The following ACSF3 variants were observed in gnomAD, a reference collection of about 807,000 sequenced individuals.
ACSF3 encodes the protein malonate--CoA ligase ACSF3, mitochondrial.
In ACSF3, 78 loss-of-function variants were observed where a neutral mutation model predicts 53.2. The observed-to-expected ratio is 1.47, with a 90% CI of 1.22 to 1.77. The LOEUF (loss-of-function observed/expected upper bound fraction) is 1.77. ACSF3 is among the 40% of genes most tolerant of loss of function. ACSF3 has a pLI of 0.00. For missense variants in ACSF3, 937 were observed against 771.1 expected, an observed-to-expected ratio of 1.22 and a Z score of -2.55; for synonymous variants, 414 against 333.1, an observed-to-expected ratio of 1.24 and a Z score of -2.65.
chr16:89,103,820 G>T (rs1169216502), intron 4 of ACSF3, among the ~76,000 whole-genome samples: 1 of 152,218 alleles, frequency 6.6e-6, no homozygotes, highest in Non-Finnish European at 1.5e-5. Context: ...GAGCAGGCAG[G>T]GAGGGAAGGA....
intron 2 of ACSF3, among the ~76,000 whole-genome samples, chr16:89,100,286 G>A (rs1455602201): frequency 1.3e-5 from 2 of 152,260 alleles, no homozygotes; most frequent in African/African-American, 4.8e-5. Context: ...GCTCTTCTCT[G>A]CACTTCCCCC....
chr16:89,125,615 T>TG (rs1907848744), intron 7 of ACSF3, among the ~76,000 whole-genome samples: 1 of 150,318 alleles, frequency 6.7e-6, no homozygotes, highest in Non-Finnish European at 1.5e-5. Flanking sequence ...TGTTTGAGCC[T>TG]GGGAGGTGGA....
chr16:89,106,336 G>A (rs146727366), intron 4 of ACSF3, among the ~76,000 whole-genome samples: 66 of 149,976 alleles, frequency 4.4e-4, no homozygotes, highest in African/African-American at 1.3e-3. Context: ...ACTGTTAGCC[G>A]GGCTGGAGTG....
At chr16:89,136,530 T>G in intron 8 of ACSF3, 4 of 1,263,006 alleles carry the variant, frequency 3.2e-6, no homozygotes, top group Non-Finnish European at 4.1e-6. Context: ...GAAATTAAAC[T>G]TAACCCTTTC....
In ACSF3 at chr16:89,104,867, A is replaced by C. The variant is rs186666834; in HGVS notation, c.822+2108A>C. The stretch of plus-strand genomic sequence containing the variant: ...GTATGTAGAACAGCTTTGTACGAGC[A>C]AGTGAGCCTGTTTCTTCACAGATGA... On this transcript the variant is annotated intron_variant, in intron 4 of 10. Transcript: ENST00000614302. Among the ~76,000 whole-genome samples the C allele has an allele frequency of 3.3e-4, 50 of 152,384 alleles. 1 individual carries two copies. Among genetic ancestry groups the C allele is most frequent in the African/African-American group, 1.1e-3 (45 of 41,596 alleles).
At position 89,155,900 on chromosome 16, in the gene ACSF3, T is replaced by C; in HGVS notation, c.*1693T>C. 2 of 384,952 alleles carry C rather than the reference T, an allele frequency of 5.2e-6. No individual in the cohort carries two copies. The highest frequency in any genetic ancestry group is 4.0e-5 in the South Asian group (2 of 50,576). The allele number at this position is 384,952 out of a possible 1,614,324, so 23.8% of individuals were successfully genotyped here. ...AATGAGTGTAACTTTCTGCTGACAA[T>C]ACTACAAACTACAGAAAGCCTGGAG... On this transcript the variant is annotated 3_prime_UTR_variant, in exon 11 of 11. Coordinates refer to ENST00000614302, the MANE Select transcript of ACSF3 (RefSeq NM_001243279.3).
At chr16:89,145,857 T>C (rs1912835059) in intron 9 of ACSF3, 81 bp from the exon 10 acceptor site, 3 of 1,230,534 alleles carry the variant, frequency 2.4e-6, no homozygotes, top group Admixed American at 1.7e-5. Flanking sequence ...GACTGCGCTC[T>C]TCCTGTGTGT....
intron 7 of ACSF3, among the ~76,000 whole-genome samples, chr16:89,130,103 A>G (rs911691329): frequency 1.1e-4 from 17 of 152,214 alleles, no homozygotes; most frequent in African/African-American, 3.9e-4. Flanking sequence ...TCCTTCTGAT[A>G]CCAGTTTCTT....
In ACSF3 at chr16:89,145,369, A is replaced by T. The variant is rs770351070; in HGVS notation, c.1469A>T (p.Glu490Val). ...GGYKVSALEV[E>V]WHLLAHPSIT... ...TACAAGGTCAGCGCCCTGGAGGTGG[A>T]GTGGCACCTGCTGGCCCACCCCAGC... The change falls in exon 9 of 11, where the codon GAG (glutamate) becomes GTG (valine). Residue 490 changes from glutamate to valine, a missense_variant. Coordinates refer to ENST00000614302, the MANE Select transcript of ACSF3 (RefSeq NM_001243279.3). 102 of 1,614,046 alleles carry T rather than the reference A, an allele frequency of 6.3e-5. No homozygotes were observed. Among genetic ancestry groups the T allele is most frequent in the Non-Finnish European group, 7.9e-5 (93 of 1,180,014 alleles).
At chr16:89,128,984 T>C (rs1908738310) in intron 7 of ACSF3, among the ~76,000 whole-genome samples, 1 of 116,626 alleles carries the variant, frequency 8.6e-6, no homozygotes, top group South Asian at 2.6e-4. Context: ...AAAAAAAAAA[T>C]AGCTGGGCAT....
chr16:89,131,926 G>A (rs559972089), intron 7 of ACSF3, among the ~76,000 whole-genome samples: 35 of 152,384 alleles, frequency 2.3e-4, no homozygotes, highest in African/African-American at 7.5e-4. Flanking sequence ...TTTCACCCCC[G>A]TGGGTGGCGT....
chr16:89,138,537 C>G (rs1229251556), intron 8 of ACSF3, among the ~76,000 whole-genome samples: 1 of 152,242 alleles, frequency 6.6e-6, no homozygotes, highest in Non-Finnish European at 1.5e-5. Flanking sequence ...AATGGCCATG[C>G]TTGCCCCAGC....
chr16:89,133,528 C>T (rs1475169050), intron 8 of ACSF3, among the ~76,000 whole-genome samples: 7 of 152,188 alleles, frequency 4.6e-5, no homozygotes, highest in Admixed American at 4.6e-4. Context: ...CTACACTGTC[C>T]CTCAGCGCGA....
rs200352879 is a variant in ACSF3 at position 89,112,222 on chromosome 16, G to T, written c.953G>T (p.Arg318Leu). Reference sequence around the variant, plus strand: ...CAGCCGCACGCCCAGGATTTCTTGCGTGCAGTTTGTGAAGAAAAAATTAGG... The same window carrying T: ...CAGCCGCACGCCCAGGATTTCTTGCTTGCAGTTTGTGAAGAAAAAATTAGG... ...FTQPHAQDFLRAVCEEKIRLM... is the reference protein window; with the variant it reads ...FTQPHAQDFLLAVCEEKIRLM... Residue 318 changes from arginine (R) to leucine (L), a missense_variant, in exon 5 of 11, where the codon CGT (arginine) becomes CTT (leucine). Coordinates refer to ENST00000614302, the MANE Select transcript of ACSF3 (RefSeq NM_001243279.3). 37 of 1,614,032 alleles carry T rather than the reference G, an allele frequency of 2.3e-5. No homozygotes were observed. The highest frequency in any genetic ancestry group is 3.1e-5 in the Non-Finnish European group (37 of 1,180,050).
intron 8 of ACSF3, among the ~76,000 whole-genome samples, chr16:89,137,682 C>T (rs886433529): frequency 6.6e-6 from 1 of 151,880 alleles, no homozygotes; most frequent in African/African-American, 2.4e-5. Context: ...CCCAGGAGGA[C>T]CACCAGGAGC....
intron 4 of ACSF3, among the ~76,000 whole-genome samples, chr16:89,109,356 T>G (rs886711667): frequency 1.3e-5 from 2 of 151,442 alleles, no homozygotes; most frequent in African/African-American, 4.8e-5. Flanking sequence ...TGCCAACACT[T>G]GTCACTGGCT....
chr16:89,153,341 C>G (rs1914334571), intron 10 of ACSF3: 1 of 153,470 alleles, frequency 6.5e-6, no homozygotes, highest in Non-Finnish European at 1.5e-5. Flanking sequence ...AATGGAGGAG[C>G]ACCGAGCACC....
Position 89,150,688 on chromosome 16 carries a change from G to A in ACSF3, c.1614-3402G>A, listed in dbSNP as rs556880827. On this transcript the variant is annotated intron_variant, in intron 10 of 10. Transcript: ENST00000614302. ...AAGCCGCCTGTGAGGGACAGGACTG[G>A]GCAGGGAAGGCCACCAGCCATGCGG... 488 of 315,700 alleles carry A rather than the reference G, an allele frequency of 1.5e-3. 3 individuals are homozygous for A. Among genetic ancestry groups the A allele is most frequent in the African/African-American group, 9.8e-3 (455 of 46,408 alleles). 19.6% of individuals were successfully genotyped at this position (315,700 alleles called of 1,614,324 possible).
chr16:89,136,739 A>G, intron 8 of ACSF3: 1 of 1,287,294 alleles, frequency 7.8e-7, no homozygotes, highest in Non-Finnish European at 1.0e-6. Flanking sequence ...CTCTGTGCCT[A>G]CAGCCCGCTT....
Sources: gnomAD v4.1 joint callset for allele counts (sites outside exome capture counted in the v4.1 genomes callset) on GRCh38, gnomAD v4.1.1 for gene constraint, MANE v1.5 for transcripts, NCBI Gene and HGNC (gene_info 2026-07-23, HGNC 2026-07-21) for gene names.